PALB2: variants seen among roughly 807,000 people sequenced by gnomAD.
PALB2 encodes the protein partner and localizer of BRCA2.
A neutral mutation model predicts 107.4 loss-of-function variants in PALB2; 82 were observed. That is an observed-to-expected ratio of 0.76 (90% CI 0.64 to 0.92). The LOEUF (loss-of-function observed/expected upper bound fraction) is 0.92. Ranked by LOEUF, PALB2 falls within the 40% of genes least tolerant of loss-of-function variation. The pLI is 0.00. For synonymous variants in PALB2, 489 were observed against 496.8 expected (o/e 0.98, Z 0.21); for missense variants, 1,374 against 1,379.9 (o/e 1.00, Z 0.07).
At chr16:23,638,662 T>C (rs1024362453) in intron 1 of PALB2, 6 of 411,142 alleles carry the variant, frequency 1.5e-5, no homozygotes, top group Non-Finnish European at 2.9e-5. Flanking sequence ...GCAATTTACA[T>C]ACAGTGAGGG....
chr16:23,636,654 CTA>C (rs1273238883), intron 3 of PALB2, among the ~76,000 whole-genome samples: 1 of 152,074 alleles, frequency 6.6e-6, no homozygotes, highest in Non-Finnish European at 1.5e-5. Flanking sequence ...TTCTAATAAT[CTA>C]TGAAATTTTA....
At position 23,635,012 on chromosome 16, in the gene PALB2, A is replaced by T. The variant is rs1966959567; in HGVS notation, c.1534T>A (p.Tyr512Asn). 1 of 1,613,982 alleles carries T rather than the reference A, an allele frequency of 6.2e-7. No individual in the cohort carries two copies. Among genetic ancestry groups the T allele is most frequent in the Admixed American group, 1.7e-5 (1 of 59,990 alleles). ...KAVAQAPGRR[Y>N]TGKRKSACTP... is the part of the protein sequence containing the mutation. ...CAGGCTGATTTTCTTTTTCCTGTGT[A>T]TCTTCTACCAGGTGCTTGGGCAACT... The change falls in exon 4 of 13, where the codon TAC (tyrosine) becomes AAC (asparagine). Residue 512 changes from tyrosine to asparagine, a missense_variant. Transcript: ENST00000261584.
chr16:23,634,805 T>C (rs1966944138), intron 4 of PALB2, 57 bp downstream of exon 4: 2 of 1,563,560 alleles, frequency 1.3e-6, no homozygotes, highest in South Asian at 1.2e-5. Context: ...GCCAGGCAAA[T>C]AGTAATTGTT....
rs539371156 is a variant in PALB2 at position 23,641,285 on chromosome 16, T to A, written c.-128A>T. On this transcript the variant is annotated 5_prime_UTR_variant, in exon 1 of 13. Transcript: ENST00000261584. ...GGGGAGCCCGGGATCGCACCCTCAGTGCGCGATCAGCTGACCCACGCGGGC... is the reference window on the plus strand; with the variant it reads ...GGGGAGCCCGGGATCGCACCCTCAGAGCGCGATCAGCTGACCCACGCGGGC... 3 of 1,267,796 alleles carry A rather than the reference T, an allele frequency of 2.4e-6. No individual in the cohort carries two copies. Among genetic ancestry groups the A allele is most frequent in the South Asian group, 1.3e-5 (1 of 77,546 alleles). 78.5% of individuals were successfully genotyped at this position (1,267,796 alleles called of 1,614,324 possible).
intron 4 of PALB2, among the ~76,000 whole-genome samples, chr16:23,632,210 A>G (rs553824765): frequency 4.3e-4 from 65 of 152,268 alleles, no homozygotes; most frequent in African/African-American, 1.5e-3. Context: ...TGAGAGGCTG[A>G]AGGCAGGTGG....
chr16:23,603,608 C>T lies in PALB2; in HGVS notation c.3412G>A (p.Ala1138Thr), dbSNP rs577651839. Residue 1138 changes from alanine (A) to threonine (T), a missense_variant, in exon 13 of 13, where the codon GCC becomes ACC. Transcript: ENST00000261584. ...TGACCGAGAAGTAAGTCCCAAATGG[C>T]AATTGTTCCAGAAGTCAAGATTGCT... The part of the protein sequence containing the change: ...AAAILTSGTI[A>T]IWDLLLGQCT... The T allele has an allele frequency of 9.9e-6, 16 of 1,613,928 alleles. No homozygotes were observed. The Admixed American group carries it at 2.0e-4, about 20-fold the overall frequency.
chr16:23,617,171 T>G (rs1308386727), intron 10 of PALB2, among the ~76,000 whole-genome samples: 1 of 152,082 alleles, frequency 6.6e-6, no homozygotes, highest in South Asian at 2.1e-4. Context: ...CACTTGACAC[T>G]TGAGTATAAC....
rs1555460475 is a variant in PALB2 at position 23,630,017 on chromosome 16, G to A, written c.2137C>T (p.Pro713Ser). 6.2e-7 allele frequency: 1 copy of A among 1,614,122 alleles called. No individual in the cohort carries two copies. Among genetic ancestry groups the A allele is most frequent in the Non-Finnish European group, 8.5e-7 (1 of 1,180,032 alleles). Residue 713 changes from proline to serine, a missense_variant, in exon 5 of 13, where the codon CCT becomes TCT. Pro to Ser is a moderately conservative substitution (Grantham distance 74). Transcript: ENST00000261584. ...LLYTPLNTVA[P>S]DDNDRPTTDM... is the part of the protein sequence containing the mutation. ...GTGGTAGGCCTGTCATTATCATCAGGCGCAACCGTATTTAAAGGAGTATAA... is the reference window on the plus strand; with the variant it reads ...GTGGTAGGCCTGTCATTATCATCAGACGCAACCGTATTTAAAGGAGTATAA...
At chr16:23,640,462 C>T (rs529686703) in intron 1 of PALB2, 96 of 209,204 alleles carry the variant, frequency 4.6e-4, no homozygotes, top group South Asian at 7.5e-4. Context: ...CGAGATCGCG[C>T]CACTGCACCC....
intron 11 of PALB2, among the ~76,000 whole-genome samples, chr16:23,610,399 C>T (rs1425859469): frequency 6.6e-6 from 1 of 150,870 alleles, no homozygotes; most frequent in Non-Finnish European, 1.5e-5. Context: ...ACCTCTGCCT[C>T]CTGGATTCAA....
At chr16:23,616,862 G>A (rs571471442) in intron 10 of PALB2, among the ~76,000 whole-genome samples, 7 of 151,878 alleles carry the variant, frequency 4.6e-5, no homozygotes, top group African/African-American at 1.7e-4. Context: ...GCCCAGGCTG[G>A]AGTGCAGTGG....
Position 23,641,268 on chromosome 16 carries a change from C to A in PALB2, c.-111G>T. ...GCGCCCCAGGAAGGAATGGGGAGCC[C>A]GGGATCGCACCCTCAGTGCGCGATC... On this transcript the variant is annotated 5_prime_UTR_variant, in exon 1 of 13. Transcript: ENST00000261584. 7.2e-7 allele frequency: 1 copy of A among 1,387,062 alleles called. No individual in the cohort carries two copies. Among genetic ancestry groups the A allele is most frequent in the Non-Finnish European group, 1.0e-6 (1 of 1,002,590 alleles). 85.9% of individuals were successfully genotyped at this position (1,387,062 alleles called of 1,614,324 possible). A position where few individuals can be genotyped will look rare whatever the true frequency, so the allele number is the denominator to read the frequency against.
intron 10 of PALB2, among the ~76,000 whole-genome samples, chr16:23,618,696 A>G (rs1173707481): frequency 1.3e-5 from 2 of 152,166 alleles, no homozygotes; most frequent in Non-Finnish European, 2.9e-5. Context: ...AAAAAAAAAT[A>G]TCAAGTTTGA....
intron 10 of PALB2, chr16:23,617,567 T>TA (rs550361218): frequency 1.0e-3 from 144 of 142,620 alleles, no homozygotes; most frequent in East Asian, 3.3e-3. Flanking sequence ...AAAAAAAAAT[T>TA]AAAAAAAAAA....
At chr16:23,615,650 C>A (rs1966672170) in intron 10 of PALB2, among the ~76,000 whole-genome samples, 1 of 151,870 alleles carries the variant, frequency 6.6e-6, no homozygotes, top group African/African-American at 2.4e-5. Context: ...TCCCATTAGC[C>A]ACAACATAAA....
At chr16:23,613,386 G>A (rs1966621822) in intron 11 of PALB2, among the ~76,000 whole-genome samples, 5 of 152,120 alleles carry the variant, frequency 3.3e-5, no homozygotes, top group Admixed American at 3.3e-4. Context: ...GCTCACATCT[G>A]TAATACCAGC....
intron 10 of PALB2, among the ~76,000 whole-genome samples, chr16:23,620,374 G>T (rs139210467): frequency 1.3e-5 from 2 of 152,088 alleles, no homozygotes; most frequent in African/African-American, 4.8e-5. Flanking sequence ...TCTGTCCTTT[G>T]GTTCTCTAAG....
At chr16:23,605,879 T>TC (rs1278988011) in intron 12 of PALB2, 1 of 152,224 alleles carries the variant, frequency 6.6e-6, no homozygotes, top group Non-Finnish European at 1.5e-5. Flanking sequence ...AGGACACATC[T>TC]ATGAGCCAGG....
chr16:23,631,036 G>A (rs1359944716), intron 4 of PALB2, among the ~76,000 whole-genome samples: 1 of 150,718 alleles, frequency 6.6e-6, no homozygotes, highest in Non-Finnish European at 1.5e-5. Flanking sequence ...GGCTGAGGCA[G>A]GCGGATCACT....
Sources: allele counts gnomAD v4.1 joint callset (sites outside exome capture counted in the v4.1 genomes callset), GRCh38; gene constraint gnomAD v4.1.1; transcripts MANE v1.5; gene names NCBI Gene and HGNC (gene_info 2026-07-23, HGNC 2026-07-21).